The following FGGY variants were observed in gnomAD, a reference collection of about 807,000 sequenced individuals.
FGGY encodes FGGY carbohydrate kinase domain containing.
In FGGY, 72 loss-of-function variants were observed where a neutral mutation model predicts 71.3. The observed-to-expected ratio is 1.01, with a 90% CI of 0.84 to 1.23. The LOEUF (loss-of-function observed/expected upper bound fraction) is 1.23, where lower values mean the gene tolerates loss of function less well. Ranked by LOEUF, FGGY falls within the 50% of genes most tolerant of loss-of-function variation. FGGY has a pLI of 0.00. For synonymous variants in FGGY, 251 were observed against 250.3 expected (o/e 1.00, Z -0.02); for missense variants, 668 against 682.3 (o/e 0.98, Z 0.23).
intron 5 of FGGY, among the ~76,000 whole-genome samples, chr1:59,444,626 G>C (rs2070783884): frequency 6.6e-6 from 1 of 152,120 alleles, no homozygotes; most frequent in African/African-American, 2.4e-5. Context: ...GGGCTAGTGA[G>C]CATTACCACC....
At chr1:59,668,940 G>A (rs1038539554) in intron 13 of FGGY, among the ~76,000 whole-genome samples, 32 of 145,420 alleles carry the variant, frequency 2.2e-4, no homozygotes, top group Admixed American at 7.1e-4. Context: ...GCAGTGAGCC[G>A]AGATTGCGCC....
intron 1 of FGGY, among the ~76,000 whole-genome samples, chr1:59,309,018 T>G (rs1379101358): frequency 6.6e-6 from 1 of 152,208 alleles, no homozygotes; most frequent in Non-Finnish European, 1.5e-5. Context: ...GTGGTGGATT[T>G]TTTTTGTATC....
In FGGY at chr1:59,668,704, C is replaced by T. The variant is rs913371225; in HGVS notation, c.1417+1301C>T. On this transcript the variant is annotated intron_variant, in intron 13 of 15. Coordinates refer to ENST00000303721, the MANE Select transcript of FGGY (RefSeq NM_018291.5). ...ACAGTAAGAAAAGCATACAGTCAGC[C>T]GGGCACGGTGGCTCACGCCTGTGAT... 1.8e-4 allele frequency among the ~76,000 whole-genome samples: 27 copies of T among 152,010 alleles called. 1 individual carries two copies. The highest frequency in any genetic ancestry group is 9.7e-5 in the African/African-American group (4 of 41,376).
At chr1:59,334,642 G>A (rs2049123112) in intron 2 of FGGY, among the ~76,000 whole-genome samples, 1 of 151,986 alleles carries the variant, frequency 6.6e-6, no homozygotes, top group African/African-American at 2.4e-5. Flanking sequence ...CTTGTTTGAG[G>A]AACATGTTAA....
At chr1:59,659,135 G>C (rs897886866) in intron 11 of FGGY, among the ~76,000 whole-genome samples, 2 of 152,178 alleles carry the variant, frequency 1.3e-5, no homozygotes, top group African/African-American at 2.4e-5. Flanking sequence ...CCAGGAGGTG[G>C]AGGTTGCAGT....
chr1:59,454,672 T>C (rs1394457421), intron 5 of FGGY, among the ~76,000 whole-genome samples: 1 of 152,248 alleles, frequency 6.6e-6, no homozygotes, highest in Admixed American at 6.5e-5. Flanking sequence ...GTCAGGTTCT[T>C]CTGCTAAAGG....
chr1:59,544,577 A>C (rs1239357559), intron 7 of FGGY, among the ~76,000 whole-genome samples: 1 of 152,212 alleles, frequency 6.6e-6, no homozygotes. Flanking sequence ...CCTTCAGCTT[A>C]AACTATTCAA....
chr1:59,415,338 A>G (rs2064212109), intron 5 of FGGY, among the ~76,000 whole-genome samples: 1 of 152,146 alleles, frequency 6.6e-6, no homozygotes, highest in African/African-American at 2.4e-5. Context: ...ACAAGTGTTG[A>G]TTTTTTTCTT....
Position 59,378,819 on chromosome 1 carries a change from C to CAACAGGTGTCACAGCACGGTATGTTAATT in FGGY, c.538_554+12dup. 1 of 1,613,260 alleles carries CAACAGGTGTCACAGCACGGTATGTTAATT rather than the reference C, an allele frequency of 6.2e-7. No individual in the cohort carries two copies. Among genetic ancestry groups the CAACAGGTGTCACAGCACGGTATGTTAATT allele is most frequent in the Non-Finnish European group, 8.5e-7 (1 of 1,179,400 alleles). On this transcript the variant is annotated frameshift_variant, in exon 5 of 16. Coordinates refer to ENST00000303721, the MANE Select transcript of FGGY (RefSeq NM_018291.5). LOFTEE classifies it high-confidence loss of function. ...CTCCCGGACTTCTTATCGTGGAAGGCAACAGGTGTCACAGCACGGTATGTT... is the reference window on the plus strand; with the variant it reads ...CTCCCGGACTTCTTATCGTGGAAGGCAACAGGTGTCACAGCACGGTATGTTAATTAACAGGTGTCACAGCACGGTATGTT...
chr1:59,667,243 T>C, intron 12 of FGGY, 40 bp from the exon 13 acceptor site: 1 of 1,613,076 alleles, frequency 6.2e-7, no homozygotes, highest in East Asian at 2.2e-5. Context: ...TGTTTACTTT[T>C]GTGACTATAC....
intron 1 of FGGY, among the ~76,000 whole-genome samples, chr1:59,307,706 G>A (rs1176715038): frequency 6.6e-6 from 1 of 152,196 alleles, no homozygotes; most frequent in Non-Finnish European, 1.5e-5. Flanking sequence ...TTGGATTCAT[G>A]TGAAGCTACA....
chr1:59,614,068 T>G (rs2096721677), intron 9 of FGGY, among the ~76,000 whole-genome samples: 1 of 152,098 alleles, frequency 6.6e-6, no homozygotes, highest in Non-Finnish European at 1.5e-5. Context: ...CTACCAGAGG[T>G]ACAAGGAGGA....
At chr1:59,406,165 A>G (rs1040275094) in intron 5 of FGGY, among the ~76,000 whole-genome samples, 1 of 151,234 alleles carries the variant, frequency 6.6e-6, no homozygotes, top group African/African-American at 2.4e-5. Context: ...TACTTACTAA[A>G]TCTTATTTGT....
chr1:59,580,774 T>A (rs2153749284), intron 8 of FGGY, among the ~76,000 whole-genome samples: 1 of 152,260 alleles, frequency 6.6e-6, no homozygotes, highest in South Asian at 2.1e-4. Flanking sequence ...TTCTACTACT[T>A]CCTCTTCATC....
intron 8 of FGGY, among the ~76,000 whole-genome samples, chr1:59,593,022 T>A (rs2096474160): frequency 6.6e-6 from 1 of 151,664 alleles, no homozygotes; most frequent in Admixed American, 6.6e-5. Context: ...GTAGAACTGA[T>A]GATGGGGTAA....
intron 6 of FGGY, among the ~76,000 whole-genome samples, chr1:59,475,938 A>G (rs951354365): frequency 6.6e-6 from 1 of 152,182 alleles, no homozygotes; most frequent in East Asian, 1.9e-4. Flanking sequence ...AGCTGGGAAA[A>G]AAATAACTCC....
chr1:59,575,600 C>T (rs913998425), intron 8 of FGGY, among the ~76,000 whole-genome samples: 13 of 152,074 alleles, frequency 8.5e-5, no homozygotes, highest in Admixed American at 5.2e-4. Flanking sequence ...GTTTGCATTT[C>T]GTTTAGATAC....
chr1:59,762,376 G>A (rs2098350211), intron 15 of FGGY, 127 bp from the exon 16 acceptor site: 1 of 666,892 alleles, frequency 1.5e-6, no homozygotes. Flanking sequence ...CCAGGATGCT[G>A]TAAGCATTCA....
intron 14 of FGGY, among the ~76,000 whole-genome samples, chr1:59,702,246 G>A (rs904517262): frequency 2.6e-5 from 4 of 152,178 alleles, no homozygotes; most frequent in Non-Finnish European, 5.9e-5. Context: ...TTTGGATGGG[G>A]AGACAAACTA....
Sources: allele counts gnomAD v4.1 joint callset (sites outside exome capture counted in the v4.1 genomes callset), GRCh38; gene constraint gnomAD v4.1.1; transcripts MANE v1.5; gene names NCBI Gene and HGNC (gene_info 2026-07-23, HGNC 2026-07-21).